ZNF740: variants seen among roughly 807,000 people sequenced by gnomAD.
ZNF740 encodes the protein zinc finger protein 740, also known as oriLyt TD-element-binding protein 7.
In ZNF740, 14 loss-of-function variants were observed where a neutral mutation model predicts 24.8. The observed-to-expected ratio is 0.56, with a 90% confidence interval of 0.37 to 0.88. ZNF740 has a LOEUF of 0.88. Ranked by LOEUF, ZNF740 falls within the 40% of genes least tolerant of loss-of-function variation. The probability of loss-of-function intolerance (pLI) is 0.00; values close to 1 mark genes in which losing one functional copy is unlikely to be tolerated. For missense variants in ZNF740, 201 were observed against 247.9 expected (o/e 0.81, Z 1.27); for synonymous variants, 69 against 84.0 (o/e 0.82, Z 0.98).
intron 2 of ZNF740, among the ~76,000 whole-genome samples, chr12:53,184,128 TGTGTGTGTGTGTGTGTGTGTGTGC>T (rs1565690562): frequency 8.2e-6 from 1 of 121,742 alleles, no homozygotes. Flanking sequence ...TGTGTGTGTG[TGTGTGTGTGTGTGTGTGTGTGTGC>T]GCGCGCGCGC....
rs929653729 is a variant in ZNF740 at position 53,191,113 on chromosome 12, C to T, written c.*3523C>T. On this transcript the variant is annotated 3_prime_UTR_variant, in exon 7 of 7. Coordinates refer to ENST00000416904, the MANE Select transcript of ZNF740 (RefSeq NM_001004304.4). ...GTGTCTCTGACCTGGGACCCCCCTG[C>T]ATCCGCAGCACTTGAGAATTCATAG... 1 of 211,732 alleles carries T rather than the reference C, an allele frequency of 4.7e-6. No homozygotes were observed. Among genetic ancestry groups the T allele is most frequent in the Non-Finnish European group, 9.7e-6 (1 of 103,406 alleles). The allele number at this position is 211,732 out of a possible 1,614,324, so 13.1% of individuals were successfully genotyped here. A position where few individuals can be genotyped will look rare whatever the true frequency, so the allele number is the denominator to read the frequency against.
At position 53,193,952 on chromosome 12, in the gene ZNF740, AC is replaced by A. The variant is rs145601608; in HGVS notation, c.*6366del. The A allele has an allele frequency of 5.2e-3, 7,876 of 1,515,098 alleles. 338 individuals are homozygous for A. The African/African-American group carries it at 0.094, about 18-fold the overall frequency. The allele number at this position is 1,515,098 out of a possible 1,614,324, so 93.9% of individuals were successfully genotyped here. A position where few individuals can be genotyped will look rare whatever the true frequency, so the allele number is the denominator to read the frequency against. The stretch of plus-strand genomic sequence containing the variant: ...TGGTTATACACATGCACACACACAT[AC>A]CCCAAACTCACCAATCATCCAGAAC... On this transcript the variant is annotated 3_prime_UTR_variant, in exon 7 of 7. Transcript: ENST00000416904.
At position 53,183,651 on chromosome 12, in the gene ZNF740, C is replaced by G. The variant is rs79520458; in HGVS notation, c.10-1240C>G. ...GAATGTGAAAAAAAATGTGATCATA[C>G]AAGCACACATATAAATGGCCTAAGA... On this transcript the variant is annotated intron_variant, in intron 2 of 6. Transcript: ENST00000416904. Among the ~76,000 whole-genome samples, 459 of 152,224 alleles carry G rather than the reference C, an allele frequency of 3.0e-3. 1 individual carries two copies. The highest frequency in any genetic ancestry group is 0.01 in the African/African-American group (434 of 41,520).
rs11574541 is a variant in ZNF740 at position 53,192,849 on chromosome 12, G to A, written c.*5259G>A. 840 of 1,614,146 alleles carry A rather than the reference G, an allele frequency of 5.2e-4. 12 individuals are homozygous for A. In the East Asian group the frequency reaches 6.5e-3, roughly 13 times the overall value. The stretch of plus-strand genomic sequence containing the variant: ...AACTGTCCATGTCCCCACTGCATTC[G>A]CATGCTCTGCCCGTGCGGTTGGCAT... On this transcript the variant is annotated 3_prime_UTR_variant, in exon 7 of 7. Transcript: ENST00000416904.
chr12:53,184,150 T>TGTGTGTGTGTGTGTGTGTGTGTGTGTGC, intron 2 of ZNF740, among the ~76,000 whole-genome samples: 1 of 104,426 alleles, frequency 9.6e-6, no homozygotes, highest in East Asian at 2.8e-4. Context: ...TGTGTGTGTG[T>TGTGTGTGTGTGTGTGTGTGTGTGTGTGC]GCGCGCGCGC....
At chr12:53,185,109 A>G (rs1215274884) in intron 3 of ZNF740, 69 bp downstream of exon 3, 1 of 1,598,222 alleles carries the variant, frequency 6.3e-7, no homozygotes, top group African/African-American at 1.3e-5. Context: ...GGAGATACCA[A>G]GCTCTGATTC....
In ZNF740 at chr12:53,186,485, T is replaced by C; in HGVS notation, c.468T>C (p.Pro156=). 1 of 1,581,274 alleles carries C rather than the reference T, an allele frequency of 6.3e-7. No homozygotes were observed. ...AGCGTGTGCACAGTGGTGAAAAGCCTTACCAGTGTGAACGGTGTCATCAGG... is the reference window on the plus strand; with the variant it reads ...AGCGTGTGCACAGTGGTGAAAAGCCCTACCAGTGTGAACGGTGTCATCAGG... The part of the protein sequence containing the change: ...RHKRVHSGEK[P]YQCERCHQCF... Residue 156 remains proline (P), a synonymous_variant, in exon 6 of 7, where the codon CCT becomes CCC. Transcript: ENST00000416904.
Position 53,192,267 on chromosome 12 carries a change from A to G in ZNF740, c.*4677A>G. 2 of 1,507,676 alleles carry G rather than the reference A, an allele frequency of 1.3e-6. No individual in the cohort carries two copies. The highest frequency in any genetic ancestry group is 1.7e-5 in the Admixed American group (1 of 59,554). 93.4% of individuals were successfully genotyped at this position (1,507,676 alleles called of 1,614,324 possible). A position where few individuals can be genotyped will look rare whatever the true frequency, so the allele number is the denominator to read the frequency against. On this transcript the variant is annotated 3_prime_UTR_variant, in exon 7 of 7. Transcript: ENST00000416904. ...CTGTTTCCCATTATCTTCACTCTGC[A>G]TCCCCAGAGTTGAGACCCTGCCCAT...
chr12:53,193,607 A>G lies in ZNF740; in HGVS notation c.*6017A>G. 1 of 1,063,878 alleles carries G rather than the reference A, an allele frequency of 9.4e-7. No homozygotes were observed. Among genetic ancestry groups the G allele is most frequent in the Non-Finnish European group, 1.3e-6 (1 of 741,618 alleles). 65.9% of individuals were successfully genotyped at this position (1,063,878 alleles called of 1,614,324 possible). A position where few individuals can be genotyped will look rare whatever the true frequency, so the allele number is the denominator to read the frequency against. ...AACTGAGTGGGGAGTCGGGATGTCG[A>G]GGAGACTCCTGTGGGGGGGATGGAA... is the stretch of plus-strand genomic sequence containing the variant. On this transcript the variant is annotated 3_prime_UTR_variant, in exon 7 of 7. Transcript: ENST00000416904.
chr12:53,185,362 G>A, intron 3 of ZNF740, 25 bp from the exon 4 acceptor site: 1 of 1,612,676 alleles, frequency 6.2e-7, no homozygotes, highest in Non-Finnish European at 8.5e-7. Flanking sequence ...TGGGCTATGA[G>A]TTTAGATTTG....
chr12:53,183,331 C>T (rs1035472066), intron 2 of ZNF740, among the ~76,000 whole-genome samples: 7 of 152,174 alleles, frequency 4.6e-5, no homozygotes, highest in African/African-American at 1.7e-4. Context: ...GAATAACTTG[C>T]CCAAGATTAT....
At position 53,192,927 on chromosome 12, in the gene ZNF740, C is replaced by T. The variant is rs1326279448; in HGVS notation, c.*5337C>T. ...GACCAAAGCCTGGGGTAGAGCCATG[C>T]AGAGGGTGACAACCATACTCCACAC... On this transcript the variant is annotated 3_prime_UTR_variant, in exon 7 of 7. Transcript: ENST00000416904. 4 of 1,609,912 alleles carry T rather than the reference C, an allele frequency of 2.5e-6. No homozygotes were observed. The African/African-American group carries it at 4.0e-5, about 16-fold the overall frequency.
At position 53,192,188 on chromosome 12, in the gene ZNF740, G is replaced by A; in HGVS notation, c.*4598G>A. The stretch of plus-strand genomic sequence containing the variant: ...CCCAGGGCCTTAGCCTCGTCCACTT[G>A]CTCAATTGCCTCTGCCTTTGTCCTG... On this transcript the variant is annotated 3_prime_UTR_variant, in exon 7 of 7. Transcript: ENST00000416904. 8.4e-7 allele frequency: 1 copy of A among 1,193,838 alleles called. No homozygotes were observed. The highest frequency in any genetic ancestry group is 2.5e-5 in the East Asian group (1 of 39,986). 74.0% of individuals were successfully genotyped at this position (1,193,838 alleles called of 1,614,324 possible). A position where few individuals can be genotyped will look rare whatever the true frequency, so the allele number is the denominator to read the frequency against.
intron 1 of ZNF740, 74 bp downstream of exon 1, chr12:53,180,911 G>A (rs910813792): frequency 2.7e-6 from 3 of 1,125,692 alleles, no homozygotes; most frequent in Admixed American, 4.2e-5. Flanking sequence ...AAGCCGTGGG[G>A]TGCCGCGCGG....
Position 53,194,933 on chromosome 12 carries a change from T to C in ZNF740, c.*7343T>C, listed in dbSNP as rs562063322. On this transcript the variant is annotated 3_prime_UTR_variant, in exon 7 of 7. Coordinates refer to ENST00000416904, the MANE Select transcript of ZNF740 (RefSeq NM_001004304.4). Reference sequence around the variant, plus strand: ...GATCTCACATTGTTTATGTACAGACTGACTGGGGACAAATGCCAGCCCTTC... The same window carrying C: ...GATCTCACATTGTTTATGTACAGACCGACTGGGGACAAATGCCAGCCCTTC... The C allele has an allele frequency of 4.2e-5, 8 of 189,788 alleles. No individual in the cohort carries two copies. The highest frequency in any genetic ancestry group is 9.3e-5 in the African/African-American group (4 of 43,094). The allele number at this position is 189,788 out of a possible 1,614,324, so 11.8% of individuals were successfully genotyped here.
intron 1 of ZNF740, 193 bp downstream of exon 1, chr12:53,181,030 C>T (rs957935955): frequency 5.8e-6 from 5 of 868,536 alleles, no homozygotes; most frequent in African/African-American, 1.9e-5. Context: ...CGCGTCCCGC[C>T]GCGTCCCCGG....
chr12:53,192,883 C>T lies in ZNF740; in HGVS notation c.*5293C>T, dbSNP rs1942012722. On this transcript the variant is annotated 3_prime_UTR_variant, in exon 7 of 7. Transcript: ENST00000416904. ...GCCCGTGCGGTTGGCATGACAGTGA[C>T]ATACTCCACATTGGCAGCGACCAAA... 6.2e-7 allele frequency: 1 copy of T among 1,614,184 alleles called. No homozygotes were observed. Among genetic ancestry groups the T allele is most frequent in the Non-Finnish European group, 8.5e-7 (1 of 1,180,030 alleles).
In ZNF740 at chr12:53,191,269, G is replaced by T; in HGVS notation, c.*3679G>T. The T allele has an allele frequency of 2.3e-6, 1 of 429,670 alleles. No individual in the cohort carries two copies. 26.6% of individuals were successfully genotyped at this position (429,670 alleles called of 1,614,324 possible). ...GGACAAGAGCTTTCCCGAGGCCCAG[G>T]CTATAAACAGTCTGCTTTGGCCTTG... On this transcript the variant is annotated 3_prime_UTR_variant, in exon 7 of 7. Transcript: ENST00000416904.
rs1361293682 is a variant in ZNF740, at chr12:53,194,401, A to G, written c.*6811A>G. On this transcript the variant is annotated 3_prime_UTR_variant, in exon 7 of 7. Coordinates refer to ENST00000416904, the MANE Select transcript of ZNF740 (RefSeq NM_001004304.4). ...GAAGGCAGAAAAGGACTCCAACCCC[A>G]CCTTATGTCCTCTCCAGGTGTTCCC... 2.6e-6 allele frequency: 4 copies of G among 1,559,742 alleles called. No homozygotes were observed. The highest frequency in any genetic ancestry group is 3.6e-5 in the Admixed American group (2 of 56,058).
Sources: gnomAD v4.1 joint callset for allele counts (sites outside exome capture counted in the v4.1 genomes callset) on GRCh38, gnomAD v4.1.1 for gene constraint, MANE v1.5 for transcripts, NCBI Gene and HGNC (gene_info 2026-07-23, HGNC 2026-07-21) for gene names.